MTA3: variants seen among roughly 807,000 people sequenced by gnomAD.
MTA3 encodes metastasis associated 1 family member 3.
In MTA3, 34 loss-of-function variants were observed where a neutral mutation model predicts 83.5. The observed-to-expected ratio is 0.41, with a 90% CI of 0.31 to 0.54. The LOEUF is 0.54. Ranked by LOEUF, MTA3 falls within the 20% of genes least tolerant of loss-of-function variation. MTA3 has a pLI of 0.33. For synonymous variants in MTA3, 303 were observed against 252.7 expected, an observed-to-expected ratio of 1.20 and a Z score of -1.89; for missense variants, 761 against 726.4, an observed-to-expected ratio of 1.05 and a Z score of -0.55.
At chr2:42,717,917 A>T (rs1048858021) in intron 14 of MTA3, among the ~76,000 whole-genome samples, 1 of 152,146 alleles carries the variant, frequency 6.6e-6, no homozygotes, top group Non-Finnish European at 1.5e-5. Flanking sequence ...GTTAAGACTG[A>T]TTCCACCTTG....
At chr2:42,651,324 A>G (rs1688696518) in intron 6 of MTA3, among the ~76,000 whole-genome samples, 1 of 152,216 alleles carries the variant, frequency 6.6e-6, no homozygotes, top group Non-Finnish European at 1.5e-5. Context: ...CTTAGGCTAT[A>G]CTAATTTTAT....
intron 3 of MTA3, among the ~76,000 whole-genome samples, chr2:42,592,370 G>T (rs1202952836): frequency 6.6e-6 from 1 of 152,154 alleles, no homozygotes; most frequent in East Asian, 1.9e-4. Flanking sequence ...GATCACTTGA[G>T]CTCAGGAGTT....
At chr2:42,573,275 A>G (rs770140113) in intron 2 of MTA3, among the ~76,000 whole-genome samples, 1 of 152,200 alleles carries the variant, frequency 6.6e-6, no homozygotes, top group Non-Finnish European at 1.5e-5. Flanking sequence ...GACCTAGGAC[A>G]TTCTTAGTTT....
chr2:42,547,036 C>T (rs1676787594), intron 2 of MTA3, among the ~76,000 whole-genome samples: 1 of 152,120 alleles, frequency 6.6e-6, no homozygotes, highest in African/African-American at 2.4e-5. Context: ...TGCAGAGGTT[C>T]CCCCCACTAC....
intron 6 of MTA3, among the ~76,000 whole-genome samples, chr2:42,653,705 C>T (rs1194350695): frequency 6.6e-6 from 1 of 152,106 alleles, no homozygotes. Context: ...TAGAATTCTT[C>T]TAAGTCTTAC....
In MTA3 at chr2:42,535,506, C is replaced by T. The variant is rs370449960; in HGVS notation, c.-140-34931C>T. ...CCTCCCAAAGTGTTGGAATCACAGG[C>T]CTGAGCCACTGCACCCAACTCCCTT... is the stretch of plus-strand genomic sequence containing the variant. On this transcript the variant is annotated intron_variant, in intron 2 of 17. Transcript: ENST00000405592. Among the ~76,000 whole-genome samples the T allele has an allele frequency of 4.6e-5, 7 of 152,274 alleles. No homozygotes were observed. The South Asian group carries it at 8.3e-4, about 18-fold the overall frequency.
At chr2:42,592,302 G>T (rs1681113899) in intron 3 of MTA3, among the ~76,000 whole-genome samples, 1 of 151,918 alleles carries the variant, frequency 6.6e-6, no homozygotes, top group African/African-American at 2.4e-5. Flanking sequence ...ATTCATTTAT[G>T]GCTGGGCATA....
chr2:42,600,588 C>T (rs902167424), intron 3 of MTA3, among the ~76,000 whole-genome samples: 1 of 151,750 alleles, frequency 6.6e-6, no homozygotes, highest in Non-Finnish European at 1.5e-5. Context: ...GTCACCCAGG[C>T]TGGAGTGCAG....
intron 2 of MTA3, among the ~76,000 whole-genome samples, chr2:42,578,264 TTGA>T (rs1182613428): frequency 2.0e-5 from 3 of 152,188 alleles, no homozygotes; most frequent in African/African-American, 7.2e-5. Context: ...TAATGAATGA[TTGA>T]CCTTCTTGAG....
intron 4 of MTA3, among the ~76,000 whole-genome samples, chr2:42,624,302 T>A (rs1685868218): frequency 6.6e-6 from 1 of 152,074 alleles, no homozygotes; most frequent in Non-Finnish European, 1.5e-5. Context: ...TAATGTATAT[T>A]AACTTTAATT....
intron 16 of MTA3, among the ~76,000 whole-genome samples, chr2:42,723,946 CAGTG>C (rs1240181690): frequency 1.3e-5 from 2 of 152,056 alleles, no homozygotes; most frequent in Admixed American, 6.5e-5. Flanking sequence ...ATGTGTAAAA[CAGTG>C]AGGGTGAGGA....
chr2:42,552,592 A>G (rs1258533697), intron 2 of MTA3, among the ~76,000 whole-genome samples: 1 of 150,258 alleles, frequency 6.7e-6, no homozygotes, highest in South Asian at 2.1e-4. Context: ...CCACTGCACT[A>G]CCACCTGGGT....
At chr2:42,696,279 G>A (rs569106769) in intron 10 of MTA3, among the ~76,000 whole-genome samples, 17 of 152,184 alleles carry the variant, frequency 1.1e-4, no homozygotes, top group Non-Finnish European at 2.1e-4. Context: ...CTATACCCCC[G>A]AAATCCTTGA....
At chr2:42,562,268 C>G (rs1677706042) in intron 2 of MTA3, among the ~76,000 whole-genome samples, 1 of 152,216 alleles carries the variant, frequency 6.6e-6, no homozygotes, top group Admixed American at 6.5e-5. Context: ...AGGTCATATT[C>G]GCAGGTTCTG....
chr2:42,515,929 C>G (rs1477996558), intron 2 of MTA3, among the ~76,000 whole-genome samples: 1 of 151,162 alleles, frequency 6.6e-6, no homozygotes, highest in Non-Finnish European at 1.5e-5. Flanking sequence ...CCAGCTCTGC[C>G]TCCCGGGTTC....
At chr2:42,747,722 C>G (rs143710231) in intron 16 of MTA3, among the ~76,000 whole-genome samples, 20 of 152,102 alleles carry the variant, frequency 1.3e-4, no homozygotes, top group African/African-American at 4.8e-4. Flanking sequence ...TTATGTAACT[C>G]CCACAGAGCT....
chr2:42,597,684 G>GT (rs10690551), intron 3 of MTA3, among the ~76,000 whole-genome samples: 1,673 of 128,920 alleles, frequency 0.013, 72 homozygotes, highest in African/African-American at 0.042. Context: ...TCACCCACCT[G>GT]TTTTTTTTTT....
At chr2:42,670,234 G>C (rs1690673009) in intron 8 of MTA3, among the ~76,000 whole-genome samples, 2 of 151,742 alleles carry the variant, frequency 1.3e-5, no homozygotes, top group African/African-American at 4.8e-5. Context: ...ACGCCAGCCT[G>C]GGCAACAAGA....
intron 3 of MTA3, among the ~76,000 whole-genome samples, chr2:42,596,273 C>T (rs1431335784): frequency 1.3e-5 from 2 of 152,232 alleles, no homozygotes; most frequent in Non-Finnish European, 2.9e-5. Flanking sequence ...AGGGCCCAAC[C>T]AAGATACTGA....
Sources: allele counts gnomAD v4.1 joint callset (sites outside exome capture counted in the v4.1 genomes callset), GRCh38; gene constraint gnomAD v4.1.1; transcripts MANE v1.5; gene names NCBI Gene and HGNC (gene_info 2026-07-23, HGNC 2026-07-21).